Variants in UGT2B15 observed in about 807,000 individuals in gnomAD.
UGT2B15 encodes UDP-glucuronosyltransferase 2B15.
Under a neutral mutation model 45.9 loss-of-function variants are expected in UGT2B15, and 36 were observed. The observed-to-expected ratio is 0.78, with a 90% CI of 0.60 to 1.04. UGT2B15 has a LOEUF of 1.04. Ranked by LOEUF, UGT2B15 falls within the 50% of genes least tolerant of loss-of-function variation. The pLI is 0.00. For synonymous variants in UGT2B15, 219 were observed against 216.4 expected (o/e 1.01, Z -0.11); for missense variants, 617 against 622.4 (o/e 0.99, Z 0.09).
chr4:68,658,842 T>C (rs531993374), intron 3 of UGT2B15, among the ~76,000 whole-genome samples: 1 of 152,160 alleles, frequency 6.6e-6, no homozygotes, highest in South Asian at 2.1e-4. Flanking sequence ...AACAGTGCTT[T>C]CTAAAAGCTA....
At chr4:68,655,068 T>C in intron 4 of UGT2B15, 27 bp downstream of exon 4, 1 of 1,605,810 alleles carries the variant, frequency 6.2e-7, no homozygotes, top group South Asian at 1.1e-5. Context: ...TACTAATATA[T>C]TCACTGTTTG....
chr4:68,649,860 T>C (rs1732599958), intron 5 of UGT2B15, among the ~76,000 whole-genome samples: 1 of 151,874 alleles, frequency 6.6e-6, no homozygotes, highest in African/African-American at 2.4e-5. Context: ...TTTTTTGAGA[T>C]GGAGTCTCGC....
At position 68,653,637 on chromosome 4, in the gene UGT2B15, A is replaced by G. The variant is rs191141964; in HGVS notation, c.1313+400T>C. ...GCTATGCAAATTATAATTCATTATC[A>G]CATTTCTTAAAATAATGATAATAAA... On this transcript the variant is annotated intron_variant, in intron 5 of 5. Coordinates refer to ENST00000338206, the MANE Select transcript of UGT2B15 (RefSeq NM_001076.4). 5.7e-3 allele frequency among the ~76,000 whole-genome samples: 873 copies of G among 152,106 alleles called. 12 individuals carry two copies. The highest frequency in any genetic ancestry group is 0.02 in the African/African-American group (813 of 41,500).
chr4:68,662,865 T>A lies in UGT2B15; in HGVS notation c.1005+143A>T. On this transcript the variant is annotated intron_variant, in intron 3 of 5. Coordinates refer to ENST00000338206, the MANE Select transcript of UGT2B15 (RefSeq NM_001076.4). ...TTATGATTTTAAGATCTTCCATATATGTTTTTGTTTTGAACAGATGTCTGA... is the reference window on the plus strand; with the variant it reads ...TTATGATTTTAAGATCTTCCATATAAGTTTTTGTTTTGAACAGATGTCTGA... 3.3e-6 allele frequency: 3 copies of A among 899,932 alleles called. 1 individual carries two copies. The highest frequency in any genetic ancestry group is 4.6e-6 in the Non-Finnish European group (3 of 652,418). 55.7% of individuals were successfully genotyped at this position (899,932 alleles called of 1,614,324 possible). A position where few individuals can be genotyped will look rare whatever the true frequency, so the allele number is the denominator to read the frequency against.
intron 5 of UGT2B15, among the ~76,000 whole-genome samples, chr4:68,648,498 T>A (rs761012353): frequency 1.3e-5 from 2 of 152,126 alleles, no homozygotes; most frequent in Non-Finnish European, 2.9e-5. Context: ...TAGGCACCCA[T>A]AGGATTTCTC....
intron 3 of UGT2B15, among the ~76,000 whole-genome samples, chr4:68,661,968 G>C (rs1416594703): frequency 1.3e-5 from 2 of 151,992 alleles, no homozygotes; most frequent in Admixed American, 6.6e-5. Context: ...TCATTACCAT[G>C]TCTAGTACCA....
rs769154917 is a variant in UGT2B15, at chr4:68,668,194, G to T, written c.725-6C>A. On this transcript the variant is annotated splice_polypyrimidine_tract_variant and splice_region_variant and intron_variant, in intron 1 of 5. Coordinates refer to ENST00000338206, the MANE Select transcript of UGT2B15 (RefSeq NM_001076.4). ...AAATAATGTAGTGGGTCTTCCTGATGGAAAAAAACAAAACAAAACAAAAGG... is the reference window on the plus strand; with the variant it reads ...AAATAATGTAGTGGGTCTTCCTGATTGAAAAAAACAAAACAAAACAAAAGG... The T allele has an allele frequency of 3.7e-6, 6 of 1,600,286 alleles. No individual in the cohort carries two copies. The highest frequency in any genetic ancestry group is 4.3e-6 in the Non-Finnish European group (5 of 1,173,990).
chr4:68,659,616 T>C (rs910583616), intron 3 of UGT2B15, among the ~76,000 whole-genome samples: 15 of 152,022 alleles, frequency 9.9e-5, no homozygotes, highest in African/African-American at 3.1e-4. Context: ...CAAATTTCCT[T>C]GTCCATTGTG....
At chr4:68,648,264 T>C (rs1415765827) in intron 5 of UGT2B15, among the ~76,000 whole-genome samples, 1 of 152,098 alleles carries the variant, frequency 6.6e-6, no homozygotes, top group Non-Finnish European at 1.5e-5. Context: ...GGCACCTACT[T>C]GTCCTAGCCC....
Position 68,647,273 on chromosome 4 carries a change from T to C in UGT2B15, c.1424A>G (p.Lys475Arg). 1.2e-6 allele frequency: 2 copies of C among 1,614,012 alleles called. No individual in the cohort carries two copies. Among genetic ancestry groups the C allele is most frequent in the African/African-American group, 1.3e-5 (1 of 75,002 alleles). ...IEFVMRHKGA[K>R]HLRVAAHNLT... ...GTTGTGAGCTGCGACTCGAAGGTGC[T>C]TGGCTCCTTTGTGGCGCATGACAAA... Residue 475 changes from lysine to arginine, a missense_variant, in exon 6 of 6, where the codon AAG becomes AGG. Lys to Arg is a conservative substitution (Grantham distance 26). Transcript: ENST00000338206.
chr4:68,650,229 G>A (rs1732610538), intron 5 of UGT2B15, among the ~76,000 whole-genome samples: 2 of 151,956 alleles, frequency 1.3e-5, no homozygotes, highest in Non-Finnish European at 2.9e-5. Flanking sequence ...TACGTGCCAT[G>A]GTGGTTTGCA....
chr4:68,668,984 A>G (rs567233293), intron 1 of UGT2B15, among the ~76,000 whole-genome samples: 7 of 151,464 alleles, frequency 4.6e-5, no homozygotes, highest in African/African-American at 1.7e-4. Context: ...CTTACCCATG[A>G]AAACAGCTTT....
At chr4:68,668,224 T>C (rs905030783) in intron 1 of UGT2B15, 36 bp from the exon 2 acceptor site, 1 of 1,606,464 alleles carries the variant, frequency 6.2e-7, no homozygotes, top group Admixed American at 1.7e-5. Flanking sequence ...AAAAGGTAGC[T>C]AACACGAGAA....
At chr4:68,660,539 A>G (rs576963889) in intron 3 of UGT2B15, among the ~76,000 whole-genome samples, 120 of 151,792 alleles carry the variant, frequency 7.9e-4, no homozygotes, top group African/African-American at 2.6e-3. Flanking sequence ...TAATCAGGCC[A>G]AGTATAATAA....
At chr4:68,651,977 T>C (rs1732669129) in intron 5 of UGT2B15, among the ~76,000 whole-genome samples, 1 of 152,126 alleles carries the variant, frequency 6.6e-6, no homozygotes, top group African/African-American at 2.4e-5. Flanking sequence ...ATGGCCATTT[T>C]TACAATATTG....
chr4:68,654,710 G>A (rs1219107765), intron 4 of UGT2B15, among the ~76,000 whole-genome samples: 9 of 151,982 alleles, frequency 5.9e-5, no homozygotes, highest in Admixed American at 5.9e-4. Flanking sequence ...AAAAAGTAGA[G>A]TCACTGGTAA....
At chr4:68,661,598 T>C (rs969249048) in intron 3 of UGT2B15, among the ~76,000 whole-genome samples, 2 of 152,122 alleles carry the variant, frequency 1.3e-5, no homozygotes, top group African/African-American at 4.8e-5. Context: ...TAAGTTATTT[T>C]ATGAATTTGA....
At chr4:68,661,726 A>T (rs1732973645) in intron 3 of UGT2B15, among the ~76,000 whole-genome samples, 1 of 152,134 alleles carries the variant, frequency 6.6e-6, no homozygotes, top group African/African-American at 2.4e-5. Flanking sequence ...ACTTTCAGGA[A>T]AAATTTCAAG....
intron 3 of UGT2B15, among the ~76,000 whole-genome samples, chr4:68,658,963 A>G (rs547897093): frequency 6.6e-5 from 10 of 152,172 alleles, no homozygotes; most frequent in East Asian, 3.9e-4. Flanking sequence ...ATTAATGTCA[A>G]AGACACACTA....
Sources: gnomAD v4.1 joint callset for allele counts (sites outside exome capture counted in the v4.1 genomes callset) on GRCh38, gnomAD v4.1.1 for gene constraint, MANE v1.5 for transcripts, NCBI Gene and HGNC (gene_info 2026-07-23, HGNC 2026-07-21) for gene names.